Variants in COL20A1 observed in about 807,000 individuals in gnomAD.
COL20A1 encodes the protein collagen alpha-1(XX) chain.
Under a neutral mutation model 152.9 loss-of-function variants are expected in COL20A1, and 164 were observed. The ratio of observed to expected loss-of-function variants is 1.07; its 90% CI spans 0.94 to 1.22. COL20A1 has a LOEUF of 1.22. Ranked by LOEUF, COL20A1 falls within the 50% of genes most tolerant of loss-of-function variation. The pLI is 0.00. For missense variants in COL20A1, 1,873 were observed against 1,744.8 expected (o/e 1.07, Z -1.31); for synonymous variants, 864 against 756.0 (o/e 1.14, Z -2.34).
chr20:63,307,584 G>T lies in COL20A1; in HGVS notation c.591G>T (p.Gln197His). The T allele has an allele frequency of 1.2e-6, 2 of 1,612,716 alleles. No homozygotes were observed. The highest frequency in any genetic ancestry group is 3.3e-4 in the Middle Eastern group (2 of 6,060). The change falls in exon 6 of 36, where the codon CAG becomes CAT. Residue 197 changes from glutamine (Q) to histidine (H), a missense_variant. By Grantham distance (24) the Gln-to-His change is conservative. Transcript: ENST00000358894. ...SWSIGHSHFQ[Q>H]VKDFLASVIA... is the part of the protein sequence containing the mutation. ...GCATTGGCCACAGTCACTTCCAGCA[G>T]GTCAAGGACTTCCTGGCCAGTGTCA...
intron 2 of COL20A1, among the ~76,000 whole-genome samples, chr20:63,296,064 G>A (rs2067790316): frequency 1.3e-5 from 2 of 152,392 alleles, no homozygotes; most frequent in South Asian, 2.1e-4. Context: ...ATTGCAGAAG[G>A]GCGGGTGAGA....
At chr20:63,323,530 CTG>C (rs1491458080) in intron 27 of COL20A1, among the ~76,000 whole-genome samples, 18 of 152,210 alleles carry the variant, frequency 1.2e-4, no homozygotes, top group Non-Finnish European at 1.9e-4. Flanking sequence ...TGTTACAGCA[CTG>C]GGGAGGACAG....
chr20:63,328,113 TTGTGAGCCAGGCC>T lies in COL20A1; in HGVS notation c.3606_3613+5del. ...CAGTCCCTTGCCACCCTCTACCAGC[TTGTGAGCCAGGCC>T]TGTGAGTCTGCCATTCAGAGTGAGT... On this transcript the variant is annotated frameshift_variant and splice_region_variant, in exon 33 of 36. Coordinates refer to ENST00000358894, the MANE Select transcript of COL20A1 (RefSeq NM_020882.4). LOFTEE classifies it high-confidence loss of function. 6.2e-7 allele frequency: 1 copy of T among 1,613,258 alleles called. No homozygotes were observed. The highest frequency in any genetic ancestry group is 1.1e-5 in the South Asian group (1 of 91,016).
chr20:63,325,582 G>A (rs772011741), intron 28 of COL20A1, 86 bp from the exon 29 acceptor site: 477 of 1,547,618 alleles, frequency 3.1e-4, no homozygotes, highest in Non-Finnish European at 4.1e-4. Context: ...GGGGGGCACA[G>A]GGGTTGGGGG....
rs779093774 is a variant in COL20A1 at position 63,326,162 on chromosome 20, C to T, written c.3456+13C>T. 1 of 1,606,478 alleles carries T rather than the reference C, an allele frequency of 6.2e-7. No individual in the cohort carries two copies. Among genetic ancestry groups the T allele is most frequent in the South Asian group, 1.1e-5 (1 of 90,924 alleles). On this transcript the variant is annotated intron_variant, in intron 30 of 35. Transcript: ENST00000358894. ...CCCTGGCCCCAGGGTAGGCACCGAC[C>T]TCCCATGACCCCGACCCCCACCCAG...
intron 1 of COL20A1, among the ~76,000 whole-genome samples, chr20:63,293,887 G>GT (rs2067748060): frequency 7.4e-6 from 1 of 134,924 alleles, no homozygotes; most frequent in South Asian, 2.5e-4. Flanking sequence ...GCGTGTATTG[G>GT]GGGGGTCTCT....
chr20:63,329,580 C>A lies in COL20A1; in HGVS notation c.3782-5C>A. ...CGTCCTCACATGCCCTCCCTTTCCT[C>A]GCAGGGGAGCCTGGAGCTGTTGGTC... On this transcript the variant is annotated splice_polypyrimidine_tract_variant and splice_region_variant and intron_variant, in intron 34 of 35. Transcript: ENST00000358894. The A allele has an allele frequency of 6.2e-7, 1 of 1,608,514 alleles. No individual in the cohort carries two copies. The highest frequency in any genetic ancestry group is 1.1e-5 in the South Asian group (1 of 90,318).
chr20:63,317,178 A>C lies in COL20A1; in HGVS notation c.2663+487A>C, dbSNP rs370133169. Among the ~76,000 whole-genome samples the C allele has an allele frequency of 4.6e-5, 7 of 152,308 alleles. No homozygotes were observed. In the South Asian group the frequency reaches 1.2e-3, roughly 27 times the overall value. ...TAAGCTGCATGACAGTTTAAGTTAA[A>C]ATGGTTGATGATAAAGGCGGAAGCC... On this transcript the variant is annotated intron_variant, in intron 21 of 35. Transcript: ENST00000358894.
Position 63,313,847 on chromosome 20 carries a change from T to G in COL20A1, c.2314T>G (p.Trp772Gly). The G allele has an allele frequency of 1.2e-6, 2 of 1,610,928 alleles. No homozygotes were observed. Among genetic ancestry groups the G allele is most frequent in the Non-Finnish European group, 1.7e-6 (2 of 1,179,060 alleles). ...TPPLGRVLHY[W>G]LTYAPASGLG... ...CCCGCTTGGCCGCGTGCTCCATTAC[T>G]GGCTCACCTACGCCCCCGCCTCTGG... Residue 772 changes from tryptophan (W) to glycine (G), a missense_variant, in exon 18 of 36, where the codon TGG becomes GGG. By Grantham distance (184) the Trp-to-Gly change is radical (BLOSUM62 -2). Transcript: ENST00000358894. The surrounding 1 kb of genome is among the most constrained non-coding windows in gnomAD (Gnocchi z 5.9).
At position 63,297,920 on chromosome 20, in the gene COL20A1, C is replaced by G; in HGVS notation, c.93C>G (p.Leu31=). 1.2e-6 allele frequency: 2 copies of G among 1,613,364 alleles called. No homozygotes were observed. The highest frequency in any genetic ancestry group is 1.7e-6 in the Non-Finnish European group (2 of 1,179,802). The change falls in exon 3 of 36, where the codon CTC becomes CTG. Residue 31 remains leucine, a synonymous_variant. Transcript: ENST00000358894. ...LGREQVQASG[L]LRLAVLPEDR... ...GTCCTGTTTCTGTAGCAAGCGGTCT[C>G]CTGAGGCTGGCTGTGCTGCCTGAGG...
At position 63,326,773 on chromosome 20, in the gene COL20A1, GC is replaced by G. The variant is rs2068255692; in HGVS notation, c.3480del (p.Arg1161GlyfsTer41). 7.4e-6 allele frequency: 11 copies of G among 1,487,292 alleles called. No homozygotes were observed. Among genetic ancestry groups the G allele is most frequent in the Non-Finnish European group, 8.0e-6 (9 of 1,128,544 alleles). The allele number at this position is 1,487,292 out of a possible 1,614,324, so 92.1% of individuals were successfully genotyped here. A position where few individuals can be genotyped will look rare whatever the true frequency, so the allele number is the denominator to read the frequency against. Reference sequence around the variant, plus strand: ...GCAGGGGTTCCAGGGCATGGCAGGGGCCAGGGGCACTAGTGGAGAGCGAGGA... The same window carrying G: ...GCAGGGGTTCCAGGGCATGGCAGGGGCAGGGGCACTAGTGGAGAGCGAGGA... ...GPRGFQGMAG[A>X]RGTSGERGPP... On this transcript the variant is annotated frameshift_variant, in exon 31 of 36. Transcript: ENST00000358894. LOFTEE classifies it high-confidence loss of function.
intron 3 of COL20A1, 148 bp downstream of exon 3, chr20:63,298,168 C>T (rs2067822812): frequency 1.7e-6 from 1 of 600,518 alleles, no homozygotes. Flanking sequence ...TCTCTGCTGA[C>T]CCACATTCCT....
Position 63,305,744 on chromosome 20 carries a change from C to T in COL20A1, c.338-137C>T, listed in dbSNP as rs1425391435. The T allele has an allele frequency of 9.0e-7, 1 of 1,114,022 alleles. No individual in the cohort carries two copies. The highest frequency in any genetic ancestry group is 1.6e-5 in the African/African-American group (1 of 64,218). 69.0% of individuals were successfully genotyped at this position (1,114,022 alleles called of 1,614,324 possible). On this transcript the variant is annotated intron_variant, in intron 4 of 35. Transcript: ENST00000358894. The surrounding 1 kb of genome is among the most constrained non-coding windows in gnomAD (Gnocchi z 4.9). ...ACTCACCAGCAAGGCTGCCTTGCCC[C>T]TGACATCTTTGCATGCCTCCCAGGC...
At position 63,321,036 on chromosome 20, in the gene COL20A1, CT is replaced by C; in HGVS notation, c.3179del (p.Phe1060SerfsTer77). 1 of 1,597,554 alleles carries C rather than the reference CT, an allele frequency of 6.3e-7. No homozygotes were observed. Among genetic ancestry groups the C allele is most frequent in the South Asian group, 1.1e-5 (1 of 87,714 alleles). The stretch of plus-strand genomic sequence containing the variant: ...AGAGGGATGGAGAGACCTGCCCCGC[CT>C]TCGTGTCTGCCTGTTCCTGTTCCTC... ...ASRDGETCPAFVSACSCSSET... is the reference protein window; with the variant it reads ...ASRDGETCPAXVSACSCSSET... On this transcript the variant is annotated frameshift_variant, in exon 26 of 36. Coordinates refer to ENST00000358894, the MANE Select transcript of COL20A1 (RefSeq NM_020882.4). LOFTEE classifies it high-confidence loss of function.
chr20:63,297,899 T>G lies in COL20A1; in HGVS notation c.83-11T>G, dbSNP rs1338015723. 6.2e-7 allele frequency: 1 copy of G among 1,610,054 alleles called. No homozygotes were observed. The highest frequency in any genetic ancestry group is 8.5e-7 in the Non-Finnish European group (1 of 1,177,114). Reference sequence around the variant, plus strand: ...CAGGTCAGTCCTGACCACTATGTCCTGTTTCTGTAGCAAGCGGTCTCCTGA... The same window carrying G: ...CAGGTCAGTCCTGACCACTATGTCCGGTTTCTGTAGCAAGCGGTCTCCTGA... On this transcript the variant is annotated splice_polypyrimidine_tract_variant and intron_variant, in intron 2 of 35. Coordinates refer to ENST00000358894, the MANE Select transcript of COL20A1 (RefSeq NM_020882.4).
chr20:63,326,712 T>TG, intron 30 of COL20A1, 40 bp from the exon 31 acceptor site: 1 of 1,346,200 alleles, frequency 7.4e-7, no homozygotes, highest in South Asian at 1.8e-5. Context: ...GCAGATTTGC[T>TG]GGGGGCCCAA....
rs572213222 is a variant in COL20A1, at chr20:63,329,755, C to T, written c.*3+94C>T. The T allele has an allele frequency of 3.4e-6, 3 of 886,402 alleles. No individual in the cohort carries two copies. The African/African-American group carries it at 5.1e-5, about 15-fold the overall frequency. 54.9% of individuals were successfully genotyped at this position (886,402 alleles called of 1,614,324 possible). A position where few individuals can be genotyped will look rare whatever the true frequency, so the allele number is the denominator to read the frequency against. On this transcript the variant is annotated intron_variant, in intron 35 of 35. Transcript: ENST00000358894. ...GCCAACGGGTGGGGCCTCATGCTGTCCAGGGTGGGGTGCTGGGAGCACAAG... is the reference window on the plus strand; with the variant it reads ...GCCAACGGGTGGGGCCTCATGCTGTTCAGGGTGGGGTGCTGGGAGCACAAG...
At chr20:63,328,305 C>T in intron 33 of COL20A1, 26 bp from the exon 34 acceptor site, 1 of 1,598,434 alleles carries the variant, frequency 6.3e-7, no homozygotes, top group Non-Finnish European at 8.5e-7. Flanking sequence ...CCCACTGTGT[C>T]CTGCTGACAC....
chr20:63,314,153 A>C lies in COL20A1; in HGVS notation c.2440A>C (p.Ile814Leu). 6.3e-7 allele frequency: 1 copy of C among 1,596,690 alleles called. No homozygotes were observed. Among genetic ancestry groups the C allele is most frequent in the African/African-American group, 1.3e-5 (1 of 74,772 alleles). The change falls in exon 19 of 36, where the codon ATC (isoleucine) becomes CTC (leucine). Residue 814 changes from isoleucine (I) to leucine (L), a missense_variant. Ile to Leu is a conservative substitution (Grantham distance 5, BLOSUM62 2). Transcript: ENST00000358894. Reference sequence around the variant, plus strand: ...GAAGTACAGGGTCCTGGTCTCAGCTATCTATGCAGCAGGCAGGAGTGAGGC... The same window carrying C: ...GAAGTACAGGGTCCTGGTCTCAGCTCTCTATGCAGCAGGCAGGAGTGAGGC... ...ATKYRVLVSAIYAAGRSEAVS... is the reference protein window; with the variant it reads ...ATKYRVLVSALYAAGRSEAVS...
Sources: allele counts gnomAD v4.1 joint callset (sites outside exome capture counted in the v4.1 genomes callset), GRCh38; gene constraint gnomAD v4.1.1; non-coding constraint Gnocchi (gnomAD v3.1); transcripts MANE v1.5; gene names NCBI Gene and HGNC (gene_info 2026-07-23, HGNC 2026-07-21).